Variants in FHAD1 observed in about 807,000 individuals in gnomAD.
The protein encoded by FHAD1 is forkhead-associated domain-containing protein 1.
In FHAD1, 146 loss-of-function variants were observed where a neutral mutation model predicts 191.3. That is an observed-to-expected ratio of 0.76 (90% CI 0.67 to 0.88). FHAD1 has a LOEUF of 0.88. Ranked by LOEUF, FHAD1 falls within the 40% of genes least tolerant of loss-of-function variation. FHAD1 has a pLI of 0.00. For synonymous variants in FHAD1, 616 were observed against 672.3 expected, an observed-to-expected ratio of 0.92 and a Z score of 1.29; for missense variants, 1,635 against 1,785.8, an observed-to-expected ratio of 0.92 and a Z score of 1.52.
intron 19 of FHAD1, among the ~76,000 whole-genome samples, chr1:15,351,754 G>A (rs1442942169): frequency 6.6e-6 from 1 of 151,598 alleles, no homozygotes; most frequent in Non-Finnish European, 1.5e-5. Flanking sequence ...GCTCTCCAGG[G>A]CACAGATTGG....
intron 8 of FHAD1, chr1:15,314,624 TGAGGATGTATGTGGGTGTGTGG>T: frequency 7.1e-6 from 1 of 140,178 alleles, no homozygotes; most frequent in Non-Finnish European, 1.5e-5. Flanking sequence ...GGTGTGGGTG[TGAGGATGTATGTGGGTGTGTGG>T]GGGTATGGAT....
intron 2 of FHAD1, among the ~76,000 whole-genome samples, chr1:15,257,545 C>T (rs1260508783): frequency 6.6e-6 from 1 of 152,210 alleles, no homozygotes; most frequent in African/African-American, 2.4e-5. Flanking sequence ...CTCAGCTGTG[C>T]TCGCACACTC....
At chr1:15,295,790 G>A (rs187185564) in intron 4 of FHAD1, among the ~76,000 whole-genome samples, 5 of 152,148 alleles carry the variant, frequency 3.3e-5, no homozygotes, top group South Asian at 2.1e-4. Flanking sequence ...ATAAGGCTTC[G>A]AGGGCCATAC....
At chr1:15,321,029 G>T (rs189435064) in intron 10 of FHAD1, among the ~76,000 whole-genome samples, 2 of 152,192 alleles carry the variant, frequency 1.3e-5, no homozygotes, top group African/African-American at 4.8e-5. Context: ...CCACCTCCTG[G>T]GTTCAAGCAA....
At chr1:15,340,409 G>A (rs1296760455) in intron 15 of FHAD1, among the ~76,000 whole-genome samples, 1 of 152,228 alleles carries the variant, frequency 6.6e-6, no homozygotes, top group Non-Finnish European at 1.5e-5. Context: ...TTGTCTGGGT[G>A]TTAGCTGGCC....
intron 23 of FHAD1, among the ~76,000 whole-genome samples, chr1:15,363,316 A>G (rs1275856751): frequency 6.6e-6 from 1 of 152,210 alleles, no homozygotes; most frequent in Non-Finnish European, 1.5e-5. Context: ...CTATTAATCC[A>G]TAATTGTACC....
intron 1 of FHAD1, among the ~76,000 whole-genome samples, chr1:15,239,607 C>CAAAAAGAAA (rs1645138129): frequency 1.3e-5 from 2 of 151,926 alleles, no homozygotes. Context: ...ACAAAAAGAA[C>CAAAAAGAAA]AACAAAGAAC....
intron 1 of FHAD1, among the ~76,000 whole-genome samples, chr1:15,240,644 AAAAG>A (rs1332802354): frequency 1.3e-5 from 2 of 150,026 alleles, no homozygotes; most frequent in African/African-American, 2.4e-5. Flanking sequence ...AAAAAAAAAA[AAAAG>A]AAAGAAAAAG....
intron 2 of FHAD1, among the ~76,000 whole-genome samples, chr1:15,268,198 A>G (rs1654402789): frequency 7.6e-6 from 1 of 131,150 alleles, no homozygotes. Context: ...TCCTGTGTCC[A>G]TGTGTTCTCA....
intron 33 of FHAD1, among the ~76,000 whole-genome samples, chr1:15,391,916 G>A (rs913185222): frequency 2.0e-5 from 3 of 152,232 alleles, no homozygotes; most frequent in Non-Finnish European, 4.4e-5. Flanking sequence ...GAGGCCTGTT[G>A]CTTACTCATC....
Position 15,327,045 on chromosome 1 carries a change from C to T in FHAD1, c.1474-14C>T. Reference sequence around the variant, plus strand: ...TGCTGACCCCCTGACACTGTTGCCCCCTCTCTGCTGCAGCTGGAGCACTTC... The same window carrying T: ...TGCTGACCCCCTGACACTGTTGCCCTCTCTCTGCTGCAGCTGGAGCACTTC... On this transcript the variant is annotated splice_polypyrimidine_tract_variant and intron_variant, in intron 11 of 33. Coordinates refer to ENST00000688493, the MANE Select transcript of FHAD1 (RefSeq NM_001391957.1). This position sits in a 1 kb window ranked among gnomAD's most constrained non-coding sequence, Gnocchi z 5.1. 1 of 1,543,620 alleles carries T rather than the reference C, an allele frequency of 6.5e-7. No individual in the cohort carries two copies. The highest frequency in any genetic ancestry group is 8.8e-7 in the Non-Finnish European group (1 of 1,139,822).
At chr1:15,264,542 GTA>G (rs1232713149) in intron 2 of FHAD1, among the ~76,000 whole-genome samples, 11 of 134,940 alleles carry the variant, frequency 8.2e-5, no homozygotes, top group South Asian at 5.3e-4. Context: ...AGTGTTATAT[GTA>G]TATATGTGTG....
intron 24 of FHAD1, 27 bp downstream of exon 24, chr1:15,365,960 A>T (rs1196186019): frequency 4.9e-6 from 7 of 1,430,324 alleles, no homozygotes; most frequent in Admixed American, 2.0e-5. Flanking sequence ...GTGTCTCTTG[A>T]CCTCCTGACC....
chr1:15,288,635 G>A (rs926911507), intron 3 of FHAD1, among the ~76,000 whole-genome samples: 5 of 152,194 alleles, frequency 3.3e-5, no homozygotes, highest in African/African-American at 1.2e-4. Context: ...GACCTACTAG[G>A]TATGTGCCAA....
chr1:15,237,874 CGT>C (rs903945683), intron 1 of FHAD1, among the ~76,000 whole-genome samples: 2 of 152,062 alleles, frequency 1.3e-5, no homozygotes, highest in Non-Finnish European at 2.9e-5. Context: ...AAATGTCCAG[CGT>C]GAGGGGATTG....
intron 3 of FHAD1, among the ~76,000 whole-genome samples, chr1:15,274,611 CAAAA>C (rs112527521): frequency 6.9e-6 from 1 of 145,600 alleles, no homozygotes; most frequent in Non-Finnish European, 1.5e-5. Flanking sequence ...GACTCCGCCT[CAAAA>C]AAAAAAAAAG....
chr1:15,381,310 C>G lies in FHAD1; in HGVS notation c.3881C>G (p.Ser1294Cys), dbSNP rs1264918561. Reference protein sequence around the residue: ...MSGHVSMKYLSRQEREKVNQL... With the variant: ...MSGHVSMKYLCRQEREKVNQL... ...GGCCACGTGTCCATGAAATACCTCT[C>G]CCGCCAGGAGAGGGAGAAGGTCAAC... The change falls in exon 30 of 34, where the codon TCC becomes TGC. Residue 1294 changes from serine to cysteine, a missense_variant. Transcript: ENST00000688493. This position sits in a 1 kb window ranked among gnomAD's most constrained non-coding sequence, Gnocchi z 4.6. The G allele has an allele frequency of 6.4e-7, 1 of 1,551,702 alleles. No individual in the cohort carries two copies. Among genetic ancestry groups the G allele is most frequent in the East Asian group, 2.4e-5 (1 of 40,920 alleles).
At chr1:15,274,381 G>A (rs1211010808) in intron 3 of FHAD1, among the ~76,000 whole-genome samples, 1 of 152,130 alleles carries the variant, frequency 6.6e-6, no homozygotes, top group African/African-American at 2.4e-5. Context: ...GCCGAGCCGG[G>A]CAGATTGCCT....
chr1:15,384,439 C>T (rs1474493867), intron 31 of FHAD1: 2 of 152,454 alleles, frequency 1.3e-5, no homozygotes, highest in African/African-American at 4.8e-5. Flanking sequence ...GGCAGTGTCC[C>T]CCAGGGCTTG....
Sources: allele counts gnomAD v4.1 joint callset (sites outside exome capture counted in the v4.1 genomes callset), GRCh38; gene constraint gnomAD v4.1.1; non-coding constraint Gnocchi (gnomAD v3.1); transcripts MANE v1.5; gene names NCBI Gene and HGNC (gene_info 2026-07-23, HGNC 2026-07-21).